Variants in ACACA observed in about 807,000 individuals in gnomAD.
ACACA encodes the protein acetyl-CoA carboxylase alpha.
ACACA carries 103 observed loss-of-function variants against 296.1 expected under a neutral mutation model. The ratio of observed to expected loss-of-function variants is 0.35; its 90% CI spans 0.30 to 0.41. The LOEUF is 0.41. Ranked by LOEUF, ACACA falls within the 10% of genes least tolerant of loss-of-function variation. The probability of loss-of-function intolerance (pLI) is 1.00; values close to 1 mark genes in which losing one functional copy is unlikely to be tolerated. For synonymous variants in ACACA, 953 were observed against 1,038.6 expected (o/e 0.92, Z 1.58); for missense variants, 1,554 against 2,989.7 (o/e 0.52, Z 11.20).
chr17:37,147,173 G>T (rs77727872), intron 45 of ACACA, among the ~76,000 whole-genome samples: 13 of 152,026 alleles, frequency 8.6e-5, no homozygotes, highest in African/African-American at 1.2e-4. Flanking sequence ...CTGTATATAA[G>T]CTTGCATGTC....
intron 20 of ACACA, among the ~76,000 whole-genome samples, 168 bp downstream of exon 20, chr17:37,244,912 G>C (rs558128299): frequency 6.6e-6 from 1 of 152,320 alleles, no homozygotes; most frequent in South Asian, 2.1e-4. Flanking sequence ...AGTAACTCTT[G>C]CAAACTCTAG....
chr17:37,089,413 G>C (rs1405454133), intron 54 of ACACA, among the ~76,000 whole-genome samples: 2 of 152,200 alleles, frequency 1.3e-5, no homozygotes, highest in African/African-American at 4.8e-5. Context: ...AGGTTTGAGA[G>C]AACCAGTTAA....
chr17:37,098,136 T>A, intron 52 of ACACA, 152 bp from the exon 53 acceptor site: 1 of 958,224 alleles, frequency 1.0e-6, no homozygotes, highest in Non-Finnish European at 1.6e-6. Context: ...CTTTGCTGAT[T>A]AACAGGGCCC....
intron 3 of ACACA, among the ~76,000 whole-genome samples, chr17:37,285,761 T>C (rs1160292875): frequency 6.6e-6 from 1 of 152,046 alleles, no homozygotes; most frequent in Non-Finnish European, 1.5e-5. Context: ...GCACGTGTGG[T>C]TGAGGCTGCA....
chr17:37,214,284 G>A (rs2078887040), intron 29 of ACACA, among the ~76,000 whole-genome samples: 1 of 152,122 alleles, frequency 6.6e-6, no homozygotes, highest in Non-Finnish European at 1.5e-5. Context: ...TATTTCTACT[G>A]GCATCTCCCC....
chr17:37,147,083 A>C (rs2144021538), intron 45 of ACACA, among the ~76,000 whole-genome samples: 1 of 151,698 alleles, frequency 6.6e-6, no homozygotes, highest in Non-Finnish European at 1.5e-5. Flanking sequence ...GAACACCCCC[A>C]CTCCTTATTC....
intron 29 of ACACA, among the ~76,000 whole-genome samples, chr17:37,213,498 C>T (rs189095230): frequency 1.6e-4 from 25 of 152,192 alleles, no homozygotes; most frequent in Admixed American, 1.0e-3. Context: ...TCATTTACAA[C>T]ATTTGATGAA....
At chr17:37,131,374 G>A (rs2075087944) in intron 45 of ACACA, among the ~76,000 whole-genome samples, 1 of 152,188 alleles carries the variant, frequency 6.6e-6, no homozygotes, top group Non-Finnish European at 1.5e-5. Flanking sequence ...AAGCCGGGCA[G>A]CCTGATCACT....
chr17:37,286,370 T>C (rs998834951), intron 3 of ACACA, among the ~76,000 whole-genome samples: 1 of 152,192 alleles, frequency 6.6e-6, no homozygotes, highest in Non-Finnish European at 1.5e-5. Context: ...AGTGTTCTCT[T>C]TGTAAAATAT....
chr17:37,112,953 A>G (rs1597853972), intron 51 of ACACA, 135 bp downstream of exon 51: 2 of 1,081,264 alleles, frequency 1.8e-6, no homozygotes, highest in East Asian at 5.2e-5. Context: ...CTGGACTGTA[A>G]TGGAAGGAAA....
Position 37,406,704 on chromosome 17 carries a change from C to A in ACACA, c.-405G>T. On this transcript the variant is annotated 5_prime_UTR_variant, in exon 1 of 56. Transcript: ENST00000616317. ...CGGATCAAAAGTCAGGCAAGCGGCTCAGCCCCATCCTCCCAGTCCTCGGGC... is the reference window on the plus strand; with the variant it reads ...CGGATCAAAAGTCAGGCAAGCGGCTAAGCCCCATCCTCCCAGTCCTCGGGC... 3.5e-6 allele frequency: 1 copy of A among 289,192 alleles called. No homozygotes were observed. Among genetic ancestry groups the A allele is most frequent in the Non-Finnish European group, 6.7e-6 (1 of 149,954 alleles). The allele number at this position is 289,192 out of a possible 1,614,324, so 17.9% of individuals were successfully genotyped here.
chr17:37,283,307 G>T lies in ACACA; in HGVS notation c.570C>A (p.Phe190Leu). Reference sequence around the variant, plus strand: ...GGTCTTCAGGTGTGACCATGACAACGAATCTAATTGCACGTTCATTTCGAA... The same window carrying T: ...GGTCTTCAGGTGTGACCATGACAACTAATCTAATTGCACGTTCATTTCGAA... ...EMFRNERAIR[F>L]VVMVTPEDLK... Residue 190 changes from phenylalanine (F) to leucine (L), a missense_variant, in exon 5 of 56, where the codon TTC (phenylalanine) becomes TTA (leucine). Transcript: ENST00000616317. The T allele has an allele frequency of 1.2e-6, 2 of 1,614,058 alleles. No homozygotes were observed. The highest frequency in any genetic ancestry group is 1.7e-6 in the Non-Finnish European group (2 of 1,179,996).
intron 43 of ACACA, 124 bp from the exon 44 acceptor site, chr17:37,151,545 T>C (rs886297240): frequency 2.4e-5 from 28 of 1,186,430 alleles, no homozygotes; most frequent in Non-Finnish European, 3.2e-5. Context: ...TGCCAGGGCT[T>C]TATGTGCTTC....
chr17:37,392,113 T>C, intron 1 of ACACA: 1 of 198,252 alleles, frequency 5.0e-6, no homozygotes, highest in Non-Finnish European at 1.0e-5. Flanking sequence ...CACAGCTGAC[T>C]TCACACTCAC....
In ACACA at chr17:37,246,937, C is replaced by T. The variant is rs372047473; in HGVS notation, c.2349G>A (p.Glu783=). 1.2e-6 allele frequency: 2 copies of T among 1,613,976 alleles called. No individual in the cohort carries two copies. Among genetic ancestry groups the T allele is most frequent in the Non-Finnish European group, 1.7e-6 (2 of 1,180,022 alleles). ...GCATCACCGATGGGTCATTTTCCTTCTCAAACACACAGGTTTTATTGCCAA... is the reference window on the plus strand; with the variant it reads ...GCATCACCGATGGGTCATTTTCCTTTTCAAACACACAGGTTTTATTGCCAA... The part of the protein sequence containing the change: ...ITIGNKTCVF[E]KENDPSVMRS... Residue 783 remains glutamate (E), a synonymous_variant, in exon 19 of 56, where the codon GAG becomes GAA. Transcript: ENST00000616317.
chr17:37,254,812 G>A (rs529398696), intron 14 of ACACA, among the ~76,000 whole-genome samples: 5 of 151,166 alleles, frequency 3.3e-5, no homozygotes, highest in Admixed American at 1.3e-4. Flanking sequence ...GGTGAAACCC[G>A]TCTCTACTAC....
chr17:37,388,126 C>T (rs1166130154), intron 1 of ACACA, among the ~76,000 whole-genome samples: 2 of 152,116 alleles, frequency 1.3e-5, no homozygotes, highest in Admixed American at 1.3e-4. Flanking sequence ...GATTGTGCCA[C>T]TGCATGCCAG....
chr17:37,173,997 TATATA>T (rs2076990385), intron 41 of ACACA, among the ~76,000 whole-genome samples: 11 of 11,614 alleles, frequency 9.5e-4, no homozygotes, highest in African/African-American at 2.8e-3. Flanking sequence ...TATATATATA[TATATA>T]TATATATATA....
chr17:37,128,932 C>G (rs886128716), intron 47 of ACACA, among the ~76,000 whole-genome samples: 1 of 152,216 alleles, frequency 6.6e-6, no homozygotes, highest in East Asian at 1.9e-4. Context: ...AAGTCATATT[C>G]TACACTGAAG....
Sources: gnomAD v4.1 joint callset for allele counts (sites outside exome capture counted in the v4.1 genomes callset) on GRCh38, gnomAD v4.1.1 for gene constraint, MANE v1.5 for transcripts, NCBI Gene and HGNC (gene_info 2026-07-23, HGNC 2026-07-21) for gene names.